The following TBC1D30 variants were observed in gnomAD, a reference collection of about 807,000 sequenced individuals.
TBC1D30 encodes TBC1 domain family member 30, also known as TBC1 domain family, member 30.
A neutral mutation model predicts 63.2 loss-of-function variants in TBC1D30; 31 were observed. The observed-to-expected ratio is 0.49, with a 90% CI of 0.37 to 0.66. TBC1D30 has a LOEUF of 0.66. Among genes scored for constraint, TBC1D30 ranks in the 30% least tolerant of loss-of-function variants. The pLI, the probability that TBC1D30 is intolerant of heterozygous loss-of-function variation, is 0.00. For missense variants in TBC1D30, 810 were observed against 953.6 expected, an observed-to-expected ratio of 0.85 and a Z score of 1.98; for synonymous variants, 307 against 361.5, an observed-to-expected ratio of 0.85 and a Z score of 1.71.
In TBC1D30 at chr12:64,877,336, GA is replaced by G. The variant is rs1879160181; in HGVS notation, c.*1549del. 6.3e-6 allele frequency: 1 copy of G among 158,306 alleles called. No individual in the cohort carries two copies. 9.8% of individuals were successfully genotyped at this position (158,306 alleles called of 1,614,324 possible). On this transcript the variant is annotated 3_prime_UTR_variant, in exon 12 of 12. Transcript: ENST00000539867. ...TTGTTGATGCAGCCAATATTAATTT[GA>G]GCTAATGGATTGTTAATTCTGAAAC...
chr12:64,873,214 A>G (rs1439934439), intron 11 of TBC1D30, among the ~76,000 whole-genome samples: 1 of 152,208 alleles, frequency 6.6e-6, no homozygotes, highest in Non-Finnish European at 1.5e-5. Context: ...GAGGCCTTTC[A>G]GATCTGATAG....
In TBC1D30 at chr12:64,875,496, A is replaced by T. The variant is rs781721740; in HGVS notation, c.1994A>T (p.Asp665Val). Residue 665 changes from aspartate to valine, a missense_variant, in exon 12 of 12, where the codon GAT (aspartate) becomes GTT (valine). Asp to Val is a radical substitution (Grantham distance 152, BLOSUM62 -3). Around this residue, in one of 4 missense-constraint regions of TBC1D30, gnomAD observed 450 missense variants for 473.0 expected, o/e 0.95. Coordinates refer to ENST00000539867, the MANE Select transcript of TBC1D30 (RefSeq NM_015279.2). ...GGAGCCCTGGAACTGAACCAGAGGG[A>T]TGCTGCAGCTGAAACTGAGCTCAGG... The part of the protein sequence containing the change: ...KLGALELNQR[D>V]AAAETELRVH... The T allele has an allele frequency of 2.6e-6, 4 of 1,536,158 alleles. No individual in the cohort carries two copies. In the South Asian group the frequency reaches 4.8e-5, roughly 18 times the overall value.
Position 64,875,813 on chromosome 12 carries a change from G to C in TBC1D30, c.*25G>C, listed in dbSNP as rs768379116. ...ATGTCTCCCCGAAACTTTGTATCTG[G>C]ACTCACCTTTTCACAGTAGTATAAG... On this transcript the variant is annotated 3_prime_UTR_variant, in exon 12 of 12. Transcript: ENST00000539867. 3 of 1,508,996 alleles carry C rather than the reference G, an allele frequency of 2.0e-6. No homozygotes were observed. The highest frequency in any genetic ancestry group is 2.8e-5 in the African/African-American group (2 of 71,718). 93.5% of individuals were successfully genotyped at this position (1,508,996 alleles called of 1,614,324 possible). A position where few individuals can be genotyped will look rare whatever the true frequency, so the allele number is the denominator to read the frequency against.
rs531031308 is a variant in TBC1D30 at position 64,852,676 on chromosome 12, G to T, written c.1038+9191G>T. 6.3e-4 allele frequency among the ~76,000 whole-genome samples: 96 copies of T among 152,232 alleles called. 1 individual carries two copies. The highest frequency in any genetic ancestry group is 1.2e-3 in the Admixed American group (18 of 15,280). ...GACCTTCGGATGGGGTTTTTGTGTG[G>T]ACATCCTTTTTGTTGATGTTGATGC... On this transcript the variant is annotated intron_variant, in intron 8 of 11. Transcript: ENST00000539867.
rs561467890 is a variant in TBC1D30 at position 64,880,287 on chromosome 12, C to T, written c.*4499C>T. On this transcript the variant is annotated 3_prime_UTR_variant, in exon 12 of 12. Transcript: ENST00000539867. ...GTAGGTATTGGGTCAGCTTTCATGCCGTTCCCTGCTGGCCATCTCCCAATG... is the reference window on the plus strand; with the variant it reads ...GTAGGTATTGGGTCAGCTTTCATGCTGTTCCCTGCTGGCCATCTCCCAATG... 8 of 152,418 alleles carry T rather than the reference C, an allele frequency of 5.2e-5. No individual in the cohort carries two copies. In the South Asian group the frequency reaches 1.4e-3, roughly 28 times the overall value. The allele number at this position is 152,418 out of a possible 1,614,324, so 9.4% of individuals were successfully genotyped here. A position where few individuals can be genotyped will look rare whatever the true frequency, so the allele number is the denominator to read the frequency against.
At chr12:64,832,341 T>C in intron 5 of TBC1D30, 37 bp downstream of exon 5, 1 of 1,509,390 alleles carries the variant, frequency 6.6e-7, no homozygotes, top group Non-Finnish European at 8.9e-7. Context: ...ATGGACATTC[T>C]TCTGAGAGTG....
chr12:64,872,239 GCTGGT>G (rs1440263051), intron 11 of TBC1D30, among the ~76,000 whole-genome samples: 1 of 152,142 alleles, frequency 6.6e-6, no homozygotes, highest in Non-Finnish European at 1.5e-5. Flanking sequence ...TGTTGGCCAG[GCTGGT>G]CTTGAACTTC....
chr12:64,844,817 C>T (rs1876213509), intron 8 of TBC1D30, among the ~76,000 whole-genome samples: 1 of 152,030 alleles, frequency 6.6e-6, no homozygotes, highest in Non-Finnish European at 1.5e-5. Flanking sequence ...ATAATGACCT[C>T]CATTTCCATC....
At chr12:64,802,543 A>C (rs1592564259) in intron 2 of TBC1D30, among the ~76,000 whole-genome samples, 3 of 152,020 alleles carry the variant, frequency 2.0e-5, no homozygotes, top group Non-Finnish European at 4.4e-5. Flanking sequence ...ACATGTGCAC[A>C]ACATACAGGT....
upstream of TBC1D30, among the ~76,000 whole-genome samples, chr12:64,821,371 C>T (rs762377035): frequency 2.6e-5 from 4 of 152,068 alleles, no homozygotes; most frequent in Admixed American, 6.5e-5. Context: ...AGGGGCAGGA[C>T]GTCCTCCTCT....
upstream of TBC1D30, among the ~76,000 whole-genome samples, chr12:64,778,649 TG>T (rs1457865996): frequency 6.8e-6 from 1 of 146,920 alleles, no homozygotes; most frequent in Non-Finnish European, 1.5e-5. Flanking sequence ...CTCCGCCTCC[TG>T]GGTTCATGTG....
chr12:64,782,851 A>G (rs916546397), intron 1 of TBC1D30, among the ~76,000 whole-genome samples: 2 of 152,218 alleles, frequency 1.3e-5, no homozygotes, highest in African/African-American at 2.4e-5. Flanking sequence ...ATTAAGATGA[A>G]CAAAATGCCA....
rs10506482 is a variant in TBC1D30, at chr12:64,870,516, C to T, written c.1292-86C>T. On this transcript the variant is annotated intron_variant, in intron 10 of 11. Transcript: ENST00000539867. ...TAGAATTTCATGGAGGTTAAGATAC[C>T]GCACTGAGTTGTAGTGTTATCAATT... 13,382 of 1,060,144 alleles carry T rather than the reference C, an allele frequency of 0.013. 1,013 individuals are homozygous for T. The African/African-American group carries it at 0.17, about 14-fold the overall frequency. 65.7% of individuals were successfully genotyped at this position (1,060,144 alleles called of 1,614,324 possible). A position where few individuals can be genotyped will look rare whatever the true frequency, so the allele number is the denominator to read the frequency against.
At chr12:64,829,966 A>G (rs1874694637) in intron 3 of TBC1D30, among the ~76,000 whole-genome samples, 1 of 152,254 alleles carries the variant, frequency 6.6e-6, no homozygotes, top group Admixed American at 6.5e-5. Flanking sequence ...GGTGAAAAAA[A>G]GCCCCATTCA....
intron 1 of TBC1D30, among the ~76,000 whole-genome samples, chr12:64,770,728 G>A (rs1308014333): frequency 3.4e-5 from 5 of 148,476 alleles, no homozygotes; most frequent in East Asian, 2.0e-4. Flanking sequence ...TTTTTGAGAC[G>A]GAGTCTTGCT....
At position 64,880,323 on chromosome 12, in the gene TBC1D30, G is replaced by C. The variant is rs1181932890; in HGVS notation, c.*4535G>C. 7 of 152,414 alleles carry C rather than the reference G, an allele frequency of 4.6e-5. No homozygotes were observed. The highest frequency in any genetic ancestry group is 3.4e-3 in the Middle Eastern group (1 of 294). The allele number at this position is 152,414 out of a possible 1,614,324, so 9.4% of individuals were successfully genotyped here. On this transcript the variant is annotated 3_prime_UTR_variant, in exon 12 of 12. Transcript: ENST00000539867. ...GGCCATCTCCCAATGCTGAATGTCT[G>C]ACTCAGTTCAGGCTGCTGTAACAAA...
At chr12:64,844,830 C>T (rs917918344) in intron 8 of TBC1D30, among the ~76,000 whole-genome samples, 7 of 151,878 alleles carry the variant, frequency 4.6e-5, no homozygotes, top group Non-Finnish European at 8.8e-5. Context: ...TTTCCATCCA[C>T]AAATAAGCTC....
chr12:64,842,368 T>A (rs1326901992), intron 7 of TBC1D30, among the ~76,000 whole-genome samples: 1 of 151,894 alleles, frequency 6.6e-6, no homozygotes, highest in African/African-American at 2.4e-5. Context: ...CAAGAAAAAA[T>A]AAATAAATAA....
intron 2 of TBC1D30, among the ~76,000 whole-genome samples, chr12:64,799,832 C>T (rs1009706080): frequency 6.6e-6 from 1 of 152,234 alleles, no homozygotes; most frequent in East Asian, 1.9e-4. Context: ...AGAGGCCGGG[C>T]GCAGTGGCTC....
Sources: allele counts gnomAD v4.1 joint callset (sites outside exome capture counted in the v4.1 genomes callset), GRCh38; gene constraint gnomAD v4.1.1; regional missense constraint gnomAD v4.1.1; transcripts MANE v1.5; gene names NCBI Gene and HGNC (gene_info 2026-07-23, HGNC 2026-07-21).